The following CALD1 variants were observed in gnomAD, a reference collection of about 807,000 sequenced individuals.
CALD1 encodes the protein caldesmon.
In CALD1, 33 loss-of-function variants were observed where a neutral mutation model predicts 99.9. That is an observed-to-expected ratio of 0.33 (90% CI 0.25 to 0.44). The LOEUF is 0.44. CALD1 is among the 20% of genes least tolerant of loss of function. The pLI is 1.00. For synonymous variants in CALD1, 310 were observed against 325.0 expected (o/e 0.95, Z 0.50); for missense variants, 861 against 962.1 (o/e 0.89, Z 1.39).
intron 1 of CALD1, among the ~76,000 whole-genome samples, chr7:134,790,711 A>G (rs73446177): frequency 0.065 from 9,899 of 152,216 alleles, 412 homozygotes; most frequent in African/African-American, 0.11. Flanking sequence ...GAAAGAAAGA[A>G]AGCCAGAGAA....
chr7:134,864,449 A>T lies in CALD1; in HGVS notation c.-41-3244A>T, dbSNP rs185385289. ...AGTCTCGCTCTGTCGCTCAGACTGG[A>T]GTGAAGCGGCTCAATCTCAGCTCAC... On this transcript the variant is annotated intron_variant, in intron 2 of 14. Coordinates refer to ENST00000361675, the MANE Select transcript of CALD1 (RefSeq NM_033138.4). Among the ~76,000 whole-genome samples the T allele has an allele frequency of 5.5e-4, 80 of 144,376 alleles. 1 individual carries two copies. In the East Asian group the frequency reaches 0.016, roughly 30 times the overall value. 94.7% of individuals were successfully genotyped at this position (144,376 alleles called of 152,430 possible).
At position 134,933,270 on chromosome 7, in the gene CALD1, A is replaced by G; in HGVS notation, c.501A>G (p.Thr167=). 6.2e-7 allele frequency: 1 copy of G among 1,607,604 alleles called. No homozygotes were observed. Among genetic ancestry groups the G allele is most frequent in the Non-Finnish European group, 8.5e-7 (1 of 1,177,368 alleles). ...GATACGAGATAGAGGAAACAGAAAC[A>G]GTCACCAAGTCCTACCAGAAGAATG... The part of the protein sequence containing the change: ...QERYEIEETE[T]VTKSYQKNDW... Residue 167 remains threonine (T), a synonymous_variant, in exon 5 of 15, where the codon ACA becomes ACG. Coordinates refer to ENST00000361675, the MANE Select transcript of CALD1 (RefSeq NM_033138.4).
At chr7:134,858,743 T>C (rs926167230) in intron 2 of CALD1, among the ~76,000 whole-genome samples, 1 of 152,008 alleles carries the variant, frequency 6.6e-6, no homozygotes, top group Non-Finnish European at 1.5e-5. Flanking sequence ...CTAATTTTTG[T>C]AATTTTAGTA....
upstream of CALD1, among the ~76,000 whole-genome samples, chr7:134,777,154 T>C (rs948777361): frequency 6.6e-6 from 1 of 152,202 alleles, no homozygotes; most frequent in African/African-American, 2.4e-5. Flanking sequence ...ATCTTTTTTT[T>C]TCCCCCTTCC....
intron 1 of CALD1, among the ~76,000 whole-genome samples, chr7:134,824,683 C>T (rs1296898416): frequency 1.3e-5 from 2 of 152,192 alleles, no homozygotes; most frequent in Non-Finnish European, 2.9e-5. Context: ...TAAATAGATA[C>T]TGTGGCATTT....
At chr7:134,762,788 C>A (rs942944757) in intron 1 of CALD1, among the ~76,000 whole-genome samples, 4 of 152,168 alleles carry the variant, frequency 2.6e-5, no homozygotes, top group African/African-American at 4.8e-5. Flanking sequence ...TCACCTCCCA[C>A]CAGGCCCCAC....
chr7:134,908,817 A>G (rs1264045555), intron 3 of CALD1, among the ~76,000 whole-genome samples: 1 of 150,282 alleles, frequency 6.7e-6, no homozygotes, highest in African/African-American at 2.4e-5. Context: ...AGAAAATACT[A>G]TATATATATA....
At chr7:134,826,604 A>G (rs914506754) in intron 1 of CALD1, among the ~76,000 whole-genome samples, 4 of 151,988 alleles carry the variant, frequency 2.6e-5, no homozygotes, top group African/African-American at 9.7e-5. Context: ...TGTTGCCTGA[A>G]TTCCCTAAAC....
chr7:134,880,871 T>C (rs1188313862), intron 3 of CALD1, among the ~76,000 whole-genome samples: 1 of 152,180 alleles, frequency 6.6e-6, no homozygotes, highest in Non-Finnish European at 1.5e-5. Flanking sequence ...ACCTAGGGAT[T>C]ATCATTGCTA....
intron 13 of CALD1, among the ~76,000 whole-genome samples, chr7:134,964,869 G>A (rs1808552347): frequency 6.6e-6 from 1 of 152,138 alleles, no homozygotes; most frequent in Non-Finnish European, 1.5e-5. Flanking sequence ...AGGACCCCGA[G>A]GCTATAGTTC....
At chr7:134,726,042 C>T in the CALD1 span, among the ~76,000 whole-genome samples, 1 of 152,094 alleles carries the variant, frequency 6.6e-6, no homozygotes, top group South Asian at 2.1e-4. Flanking sequence ...TAATTTGTTA[C>T]AGCAGCATTA....
intron 1 of CALD1, among the ~76,000 whole-genome samples, chr7:134,798,471 G>A (rs1262001220): frequency 6.6e-6 from 1 of 152,182 alleles, no homozygotes; most frequent in Non-Finnish European, 1.5e-5. Context: ...GCCTTAGAGT[G>A]AACACATTTA....
At position 134,933,375 on chromosome 7, in the gene CALD1, C is replaced by T; in HGVS notation, c.606C>T (p.Ser202=). The change falls in exon 5 of 15, where the codon AGC becomes AGT. Residue 202 remains serine (S), a synonymous_variant. Transcript: ENST00000361675. ...EEEEEKPKRG[S]IGENQVEVMV... is the part of the protein sequence containing the mutation. Reference sequence around the variant, plus strand: ...AAGAGGAGAAGCCAAAGCGAGGGAGCATTGGAGAAAATCAGGTAGAGGTGA... The same window carrying T: ...AAGAGGAGAAGCCAAAGCGAGGGAGTATTGGAGAAAATCAGGTAGAGGTGA... 1 of 1,609,774 alleles carries T rather than the reference C, an allele frequency of 6.2e-7. No homozygotes were observed. The highest frequency in any genetic ancestry group is 8.5e-7 in the Non-Finnish European group (1 of 1,177,808).
chr7:134,714,632 A>G, the CALD1 span, among the ~76,000 whole-genome samples: 1 of 152,258 alleles, frequency 6.6e-6, no homozygotes, highest in African/African-American at 2.4e-5. Flanking sequence ...TGCTCCTTGC[A>G]CAATAGAGCT....
intron 3 of CALD1, chr7:134,891,416 T>G: frequency 1.6e-6 from 2 of 1,275,702 alleles, no homozygotes; most frequent in Non-Finnish European, 9.9e-7. Flanking sequence ...TTGGGAGGAG[T>G]AGATTTGGCT....
chr7:134,891,686 T>C, intron 3 of CALD1: 1 of 1,566,414 alleles, frequency 6.4e-7, no homozygotes, highest in Non-Finnish European at 8.7e-7. Flanking sequence ...GAGTCCTCAT[T>C]TCGTCTCTTT....
intron 1 of CALD1, among the ~76,000 whole-genome samples, chr7:134,824,709 T>G (rs1798918862): frequency 6.6e-6 from 1 of 152,238 alleles, no homozygotes; most frequent in Non-Finnish European, 1.5e-5. Context: ...ACAATTGGCC[T>G]ACAATAAATG....
At position 134,970,317 on chromosome 7, in the gene CALD1, C is replaced by T. The variant is rs1353893388; in HGVS notation, c.*1972C>T. ...CAAGAGCTCCTCCTGATCACTATTA[C>T]ATATTTTTCTAGAAAATCTAAAGTT... On this transcript the variant is annotated 3_prime_UTR_variant, in exon 15 of 15. Transcript: ENST00000361675. 6.6e-6 allele frequency: 1 copy of T among 152,244 alleles called. No homozygotes were observed. Among genetic ancestry groups the T allele is most frequent in the Non-Finnish European group, 1.5e-5 (1 of 68,042 alleles). 9.4% of individuals were successfully genotyped at this position (152,244 alleles called of 1,614,324 possible).
At chr7:134,822,282 G>A (rs199942566) in intron 1 of CALD1, among the ~76,000 whole-genome samples, 12 of 73,106 alleles carry the variant, frequency 1.6e-4, no homozygotes, top group Non-Finnish European at 2.5e-4. Context: ...TCTTTTATTT[G>A]GGCCAATGCC....
Sources: allele counts gnomAD v4.1 joint callset (sites outside exome capture counted in the v4.1 genomes callset), GRCh38; gene constraint gnomAD v4.1.1; transcripts MANE v1.5; gene names NCBI Gene and HGNC (gene_info 2026-07-23, HGNC 2026-07-21).